Variants in FAM78B observed in about 807,000 individuals in gnomAD.
FAM78B encodes the protein family with sequence similarity 78 member B.
FAM78B carries 10 observed loss-of-function variants against 20.0 expected under a neutral mutation model. The ratio of observed to expected loss-of-function variants is 0.50; its 90% confidence interval spans 0.31 to 0.85. The LOEUF (loss-of-function observed/expected upper bound fraction) is 0.85, where lower values mean the gene tolerates loss of function less well. FAM78B is among the 40% of genes least tolerant of loss of function. The probability of loss-of-function intolerance (pLI) is 0.05; values close to 1 mark genes in which losing one functional copy is unlikely to be tolerated. For missense variants in FAM78B, 283 were observed against 345.0 expected (o/e 0.82, Z 1.42); for synonymous variants, 135 against 132.8 (o/e 1.02, Z -0.12).
rs536874712 is a variant in FAM78B at position 166,086,472 on chromosome 1, G to A, written c.264-15709C>T. ...CCAGTTTCCACCAAATAATGCTCAA[G>A]GTGTAGGGGGAAGGGTCAAGGTCAT... On this transcript the variant is annotated intron_variant, in intron 1 of 1. Transcript: ENST00000354422. 1.1e-4 allele frequency among the ~76,000 whole-genome samples: 17 copies of A among 152,324 alleles called. No individual in the cohort carries two copies. In the East Asian group the frequency reaches 3.1e-3, roughly 28 times the overall value.
chr1:166,131,516 T>C (rs888316428), intron 1 of FAM78B, among the ~76,000 whole-genome samples: 4 of 152,154 alleles, frequency 2.6e-5, no homozygotes, highest in African/African-American at 9.7e-5. Flanking sequence ...AGACAGTGAC[T>C]TTACTGAGAC....
chr1:166,101,017 C>T (rs1653492892), intron 1 of FAM78B, among the ~76,000 whole-genome samples: 1 of 152,232 alleles, frequency 6.6e-6, no homozygotes, highest in Non-Finnish European at 1.5e-5. Context: ...GATCAGGCAG[C>T]AACATTTGCT....
At chr1:166,145,755 T>C (rs1031290077) in intron 1 of FAM78B, among the ~76,000 whole-genome samples, 5 of 152,186 alleles carry the variant, frequency 3.3e-5, no homozygotes, top group Admixed American at 3.3e-4. Context: ...TGACTAACAC[T>C]TTTTCTTGGT....
At chr1:166,081,163 T>C (rs890101646) in intron 1 of FAM78B, 1 of 152,246 alleles carries the variant, frequency 6.6e-6, no homozygotes, top group East Asian at 1.9e-4. Context: ...ATTTTTCCTA[T>C]TGCAGAAAAG....
At chr1:166,088,760 CG>C (rs1472342854) in intron 1 of FAM78B, among the ~76,000 whole-genome samples, 1 of 152,110 alleles carries the variant, frequency 6.6e-6, no homozygotes, top group Non-Finnish European at 1.5e-5. Context: ...TGGCCAACCA[CG>C]GGGAGGGGCA....
chr1:166,121,797 G>A (rs973217036), intron 1 of FAM78B, among the ~76,000 whole-genome samples: 19 of 152,152 alleles, frequency 1.2e-4, no homozygotes, highest in Non-Finnish European at 2.2e-4. Flanking sequence ...TAAGCAACTT[G>A]CCCAAAGTCG....
chr1:166,109,281 G>C (rs1243535331), intron 1 of FAM78B, among the ~76,000 whole-genome samples: 1 of 152,038 alleles, frequency 6.6e-6, no homozygotes, highest in Non-Finnish European at 1.5e-5. Context: ...CTAATATCCA[G>C]AATCTATAAT....
At chr1:166,112,580 G>A (rs1357926041) in intron 1 of FAM78B, among the ~76,000 whole-genome samples, 1 of 152,094 alleles carries the variant, frequency 6.6e-6, no homozygotes, top group Non-Finnish European at 1.5e-5. Context: ...ACACACTAAC[G>A]TCCCACTCCA....
intron 1 of FAM78B, among the ~76,000 whole-genome samples, chr1:166,097,269 C>T (rs764889926): frequency 2.0e-5 from 3 of 152,108 alleles, no homozygotes; most frequent in Non-Finnish European, 4.4e-5. Context: ...AGGGATCCAA[C>T]GGGAGAGGAG....
At position 166,129,513 on chromosome 1, in the gene FAM78B, C is replaced by T. The variant is rs181627370; in HGVS notation, c.263+36473G>A. 2.0e-5 allele frequency among the ~76,000 whole-genome samples: 3 copies of T among 152,278 alleles called. No individual in the cohort carries two copies. The East Asian group carries it at 5.8e-4, about 29-fold the overall frequency. On this transcript the variant is annotated intron_variant, in intron 1 of 1. Coordinates refer to ENST00000354422, the MANE Select transcript of FAM78B (RefSeq NM_001017961.5). ...TTTTCTCCCAGGAAGTGTGTGAGACCTTTTCAGGCATGGATGTGGATGAAT... is the reference window on the plus strand; with the variant it reads ...TTTTCTCCCAGGAAGTGTGTGAGACTTTTTCAGGCATGGATGTGGATGAAT...
downstream of FAM78B, among the ~76,000 whole-genome samples, chr1:166,066,643 G>A (rs777603435): frequency 6.6e-5 from 10 of 152,288 alleles, no homozygotes; most frequent in African/African-American, 1.4e-4. Context: ...TATTACACTC[G>A]TAAGACTGGG....
At chr1:166,077,607 T>C (rs1431559330) in intron 1 of FAM78B, among the ~76,000 whole-genome samples, 1 of 131,746 alleles carries the variant, frequency 7.6e-6, no homozygotes, top group Non-Finnish European at 1.5e-5. Flanking sequence ...AATTATATAT[T>C]TATATAAATT....
chr1:166,105,006 C>G (rs371997540), intron 1 of FAM78B, among the ~76,000 whole-genome samples: 3 of 152,028 alleles, frequency 2.0e-5, no homozygotes, highest in South Asian at 2.1e-4. Context: ...CCTAAACAGA[C>G]ATATAGACCA....
Position 166,166,928 on chromosome 1 carries a change from G to A in FAM78B, c.-680C>T, listed in dbSNP as rs1193656293. ...GGCCCGGGGGGCGCCAGGAGGCTGT[G>A]GCCCGGGGTGGAGAGCCCCAACGGC... On this transcript the variant is annotated 5_prime_UTR_variant, in exon 1 of 2. Coordinates refer to ENST00000354422, the MANE Select transcript of FAM78B (RefSeq NM_001017961.5). The A allele has an allele frequency of 6.6e-6, 1 of 151,956 alleles. No homozygotes were observed. The highest frequency in any genetic ancestry group is 2.4e-5 in the African/African-American group (1 of 41,296). The allele number at this position is 151,956 out of a possible 1,614,324, so 9.4% of individuals were successfully genotyped here. A position where few individuals can be genotyped will look rare whatever the true frequency, so the allele number is the denominator to read the frequency against.
At chr1:166,109,866 G>GTGTGTGTATATATATA (rs1653957499) in intron 1 of FAM78B, among the ~76,000 whole-genome samples, 1 of 17,160 alleles carries the variant, frequency 5.8e-5, no homozygotes, top group Admixed American at 6.4e-4. Context: ...ATATATGTAT[G>GTGTGTGTATATATATA]TGTATATATA....
chr1:166,131,573 G>C (rs1266818176), intron 1 of FAM78B, among the ~76,000 whole-genome samples: 1 of 152,112 alleles, frequency 6.6e-6, no homozygotes, highest in African/African-American at 2.4e-5. Context: ...TCTGTGAGAA[G>C]ACCTATCTTA....
rs1274970278 is a variant in FAM78B at position 166,109,832 on chromosome 1, G to GTGTATA, written c.264-39070_264-39069insTATACA. Among the ~76,000 whole-genome samples the GTGTATA allele has an allele frequency of 2.0e-3, 56 of 28,282 alleles. 8 individuals carry two copies. Among genetic ancestry groups the GTGTATA allele is most frequent in the Non-Finnish European group, 3.4e-3 (45 of 13,284 alleles). The allele number at this position is 28,282 out of a possible 152,430, so 18.6% of individuals were successfully genotyped here. A position where few individuals can be genotyped will look rare whatever the true frequency, so the allele number is the denominator to read the frequency against. Reference sequence around the variant, plus strand: ...TATATATGTATATATATATATATATGTATATATGTATATATATATATATAT... The same window carrying GTGTATA: ...TATATATGTATATATATATATATATGTGTATATATATATGTATATATATATATATAT... On this transcript the variant is annotated intron_variant, in intron 1 of 1. Coordinates refer to ENST00000354422, the MANE Select transcript of FAM78B (RefSeq NM_001017961.5).
chr1:166,107,332 C>T (rs1199476661), intron 1 of FAM78B, among the ~76,000 whole-genome samples: 1 of 152,074 alleles, frequency 6.6e-6, no homozygotes, highest in Non-Finnish European at 1.5e-5. Flanking sequence ...ACAACTGACA[C>T]CACTGAAATA....
rs138397409 is a variant in FAM78B at position 166,074,702 on chromosome 1, T to C, written c.264-3939A>G. 2.9e-3 allele frequency among the ~76,000 whole-genome samples: 445 copies of C among 152,306 alleles called. 1 individual carries two copies. The East Asian group carries it at 0.031, about 11-fold the overall frequency. The stretch of plus-strand genomic sequence containing the variant: ...CATCTATTCATTTAGAATCTATTAT[T>C]AGAATAGTATCATGCCTTGCACGGA... On this transcript the variant is annotated intron_variant, in intron 1 of 1. Coordinates refer to ENST00000354422, the MANE Select transcript of FAM78B (RefSeq NM_001017961.5).
Sources: allele counts gnomAD v4.1 joint callset (sites outside exome capture counted in the v4.1 genomes callset), GRCh38; gene constraint gnomAD v4.1.1; transcripts MANE v1.5; gene names NCBI Gene and HGNC (gene_info 2026-07-23, HGNC 2026-07-21).